Variants in ZNF503 observed in about 807,000 individuals in gnomAD.
ZNF503 encodes the protein zinc finger protein 503, also known as NocA-like zinc finger 2.
A neutral mutation model predicts 34.4 loss-of-function variants in ZNF503; 15 were observed. The observed-to-expected ratio is 0.44, with a 90% CI of 0.29 to 0.67. The LOEUF is 0.67. Ranked by LOEUF, ZNF503 falls within the 30% of genes least tolerant of loss-of-function variation. The pLI is 0.13. For synonymous variants in ZNF503, 580 were observed against 456.8 expected (o/e 1.27, Z -3.44); for missense variants, 1,007 against 926.8 (o/e 1.09, Z -1.12).
the ZNF503 span, among the ~76,000 whole-genome samples, chr10:75,367,169 T>C: frequency 6.6e-6 from 1 of 152,128 alleles, no homozygotes; most frequent in African/African-American, 2.4e-5. Context: ...AACTTTTGCA[T>C]CATTAGGAAG....
the ZNF503 span, among the ~76,000 whole-genome samples, chr10:75,328,824 G>C: frequency 6.9e-6 from 1 of 143,972 alleles, no homozygotes; most frequent in Non-Finnish European, 1.5e-5. Context: ...TCGGCTCACT[G>C]CAACCTCTGC....
the ZNF503 span, among the ~76,000 whole-genome samples, chr10:75,364,720 T>C: frequency 6.6e-6 from 1 of 152,142 alleles, no homozygotes; most frequent in Non-Finnish European, 1.5e-5. Flanking sequence ...AAAAAAAATT[T>C]GTGGGAAATC....
the ZNF503 span, among the ~76,000 whole-genome samples, chr10:75,384,711 G>T: frequency 1.2e-3 from 188 of 152,262 alleles, 1 homozygote; most frequent in African/African-American, 4.3e-3. Flanking sequence ...GCCCCCACCT[G>T]GTTGGGGTCA....
the ZNF503 span, among the ~76,000 whole-genome samples, chr10:75,337,283 C>A: frequency 6.6e-6 from 1 of 151,482 alleles, no homozygotes; most frequent in Admixed American, 6.6e-5. Context: ...GAGCCGAGAT[C>A]GTGCTACTGC....
At chr10:75,351,439 T>G in the ZNF503 span, among the ~76,000 whole-genome samples, 29 of 152,276 alleles carry the variant, frequency 1.9e-4, no homozygotes, top group Non-Finnish European at 3.2e-4. Flanking sequence ...CCCAAAGTGC[T>G]GGGATTACCG....
the ZNF503 span, among the ~76,000 whole-genome samples, chr10:75,392,699 T>G: frequency 6.6e-6 from 1 of 152,026 alleles, no homozygotes; most frequent in Non-Finnish European, 1.5e-5. Context: ...GATGGCCAGA[T>G]TGTGGAGTGA....
chr10:75,328,745 TC>T, the ZNF503 span, among the ~76,000 whole-genome samples: 1 of 96,412 alleles, frequency 1.0e-5, no homozygotes, highest in South Asian at 3.8e-4. Context: ...AAATGTCTTT[TC>T]TTTTTTTTTT....
the ZNF503 span, chr10:75,280,441 G>C: frequency 2.0e-5 from 3 of 152,188 alleles, no homozygotes; most frequent in Non-Finnish European, 4.4e-5. Context: ...AACCCTTCAT[G>C]GGGTAAGCAA....
chr10:75,327,152 G>GTAGTGCTT, the ZNF503 span, among the ~76,000 whole-genome samples: 4 of 152,230 alleles, frequency 2.6e-5, no homozygotes, highest in Admixed American at 1.3e-4. Flanking sequence ...TACTTACCCT[G>GTAGTGCTT]TAGTGCTTTA....
rs763866208 is a variant in ZNF503, at chr10:75,399,332, T to G, written c.1358A>C (p.His453Pro). 5 of 1,605,540 alleles carry G rather than the reference T, an allele frequency of 3.1e-6. No individual in the cohort carries two copies. The Admixed American group carries it at 8.4e-5, about 27-fold the overall frequency. The change falls in exon 2 of 2, where the codon CAT (histidine) becomes CCT (proline). Residue 453 changes from histidine (H) to proline (P), a missense_variant. Physicochemically the swap from His to Pro is moderately conservative, Grantham distance 77. Transcript: ENST00000372524. ...CGCCGCAGCCGCAGCAGCCGGATCA[T>G]GTGCGCAAGAAGCGCTGGCGGCCGC... ...GAAAASASCA[H>P]DPAAAAAALK...
At chr10:75,382,680 C>A in the ZNF503 span, 2 of 348,790 alleles carry the variant, frequency 5.7e-6, no homozygotes, top group South Asian at 2.7e-5. Context: ...TCTGCTGGAT[C>A]AAAAGTGGTT....
At chr10:75,339,259 C>A in the ZNF503 span, among the ~76,000 whole-genome samples, 48 of 152,262 alleles carry the variant, frequency 3.2e-4, no homozygotes, top group African/African-American at 1.1e-3. Flanking sequence ...GTTGAAATAT[C>A]TCCTCCCTCT....
the ZNF503 span, among the ~76,000 whole-genome samples, chr10:75,375,464 G>A: frequency 6.6e-6 from 1 of 152,058 alleles, no homozygotes; most frequent in Non-Finnish European, 1.5e-5. Flanking sequence ...GTCCAAATGG[G>A]GGCTTATGTT....
chr10:75,326,937 G>A, the ZNF503 span, among the ~76,000 whole-genome samples: 1 of 151,838 alleles, frequency 6.6e-6, no homozygotes, highest in Admixed American at 6.6e-5. Context: ...CTCCCACCTC[G>A]GCCTCCAAAG....
At chr10:75,326,501 G>T in the ZNF503 span, among the ~76,000 whole-genome samples, 1 of 152,176 alleles carries the variant, frequency 6.6e-6, no homozygotes, top group East Asian at 1.9e-4. Context: ...ATATAATGAT[G>T]AGTTGGCAAT....
In ZNF503 at chr10:75,401,153, G is replaced by A. The variant is rs1843802744; in HGVS notation, c.267C>T (p.His89=). ...AAGGCAGGGGCTGCAGGTACTCGGG[G>A]TGCAAAATGTGGCCAGTTCGTGCCG... ...MLTARTGHIL[H]PEYLQPLPST... Residue 89 remains histidine, a synonymous_variant, in exon 1 of 2, where the codon CAC becomes CAT. Coordinates refer to ENST00000372524, the MANE Select transcript of ZNF503 (RefSeq NM_032772.6). 2 of 1,612,064 alleles carry A rather than the reference G, an allele frequency of 1.2e-6. No homozygotes were observed. Among genetic ancestry groups the A allele is most frequent in the African/African-American group, 1.3e-5 (1 of 74,864 alleles).
chr10:75,374,856 G>A, the ZNF503 span, among the ~76,000 whole-genome samples: 1 of 152,184 alleles, frequency 6.6e-6, no homozygotes, highest in East Asian at 1.9e-4. Flanking sequence ...AGGGAAAATT[G>A]ATACCAGCCC....
chr10:75,370,416 G>A, the ZNF503 span, among the ~76,000 whole-genome samples: 29 of 152,182 alleles, frequency 1.9e-4, no homozygotes, highest in East Asian at 5.6e-3. Context: ...TTAACATTCT[G>A]GCCTCACAAA....
chr10:75,315,672 A>T, the ZNF503 span, among the ~76,000 whole-genome samples: 7 of 152,232 alleles, frequency 4.6e-5, no homozygotes, highest in African/African-American at 1.4e-4. Flanking sequence ...AAAGAGCAAG[A>T]AAAGAACAAA....
Sources: gnomAD v4.1 joint callset for allele counts (sites outside exome capture counted in the v4.1 genomes callset) on GRCh38, gnomAD v4.1.1 for gene constraint, MANE v1.5 for transcripts, NCBI Gene and HGNC (gene_info 2026-07-23, HGNC 2026-07-21) for gene names.